The following CABIN1 variants were observed in gnomAD, a reference collection of about 807,000 sequenced individuals.
The protein encoded by CABIN1 is calcineurin-binding protein cabin-1.
In CABIN1, 133 loss-of-function variants were observed where a neutral mutation model predicts 227.7. The observed-to-expected ratio is 0.58, with a 90% confidence interval of 0.51 to 0.67. CABIN1 has a LOEUF of 0.67. Ranked by LOEUF, CABIN1 falls within the 30% of genes least tolerant of loss-of-function variation. The pLI, the probability that CABIN1 is intolerant of heterozygous loss-of-function variation, is 0.00. For synonymous variants in CABIN1, 1,086 were observed against 1,155.1 expected (o/e 0.94, Z 1.21); for missense variants, 2,408 against 2,852.5 (o/e 0.84, Z 3.55).
intron 30 of CABIN1, among the ~76,000 whole-genome samples, chr22:24,164,949 CAG>C (rs1413840530): frequency 2.0e-5 from 3 of 152,200 alleles, no homozygotes; most frequent in African/African-American, 4.8e-5. Context: ...GGGTGAGCGA[CAG>C]GGGTGCCTGG....
intron 26 of CABIN1, among the ~76,000 whole-genome samples, chr22:24,104,329 G>A (rs570292796): frequency 6.6e-6 from 1 of 152,332 alleles, no homozygotes; most frequent in South Asian, 2.1e-4. Context: ...CCTTTGGTCA[G>A]GAAAATGTTT....
In CABIN1 at chr22:24,177,907, G is replaced by A; in HGVS notation, c.6519+90G>A. 6.6e-7 allele frequency: 1 copy of A among 1,505,714 alleles called. No homozygotes were observed. 93.3% of individuals were successfully genotyped at this position (1,505,714 alleles called of 1,614,324 possible). The stretch of plus-strand genomic sequence containing the variant: ...GGATGGGGGTGGGGGTGGCAGGAGG[G>A]CCTGGGGTGTGGGTGAGGATGGCAT... On this transcript the variant is annotated intron_variant, in intron 36 of 36. Coordinates refer to ENST00000263119, the MANE Select transcript of CABIN1 (RefSeq NM_012295.4). This position sits in a 1 kb window ranked among gnomAD's most constrained non-coding sequence, Gnocchi z 4.4.
chr22:24,042,946 A>T lies in CABIN1; in HGVS notation c.388A>T (p.Ile130Phe). 2 of 1,611,480 alleles carry T rather than the reference A, an allele frequency of 1.2e-6. No individual in the cohort carries two copies. The highest frequency in any genetic ancestry group is 1.7e-6 in the Non-Finnish European group (2 of 1,179,530). Residue 130 changes from isoleucine (I) to phenylalanine (F), a missense_variant, in exon 6 of 37, where the codon ATT (isoleucine) becomes TTT (phenylalanine). Coordinates refer to ENST00000263119, the MANE Select transcript of CABIN1 (RefSeq NM_012295.4). ...CACAGATGTCAACCTCTGGTATAAGATTGGACATGTGGCCCTGAGGCTCAT... is the reference window on the plus strand; with the variant it reads ...CACAGATGTCAACCTCTGGTATAAGTTTGGACATGTGGCCCTGAGGCTCAT... The part of the protein sequence containing the change: ...DSTDVNLWYK[I>F]GHVALRLIRI...
chr22:24,024,428 C>G (rs1228148894), intron 1 of CABIN1, among the ~76,000 whole-genome samples: 2 of 152,168 alleles, frequency 1.3e-5, no homozygotes, highest in Admixed American at 6.5e-5. Flanking sequence ...TTGCTTCTCT[C>G]TTGCTGCTTT....
chr22:24,068,703 A>C (rs1295279023), intron 16 of CABIN1, among the ~76,000 whole-genome samples: 2 of 152,148 alleles, frequency 1.3e-5, no homozygotes, highest in Non-Finnish European at 2.9e-5. Context: ...AATCTTGCAA[A>C]TATTTTTTTC....
chr22:24,118,539 C>A (rs1425874092), intron 27 of CABIN1, among the ~76,000 whole-genome samples: 1 of 152,184 alleles, frequency 6.6e-6, no homozygotes, highest in East Asian at 1.9e-4. Flanking sequence ...CTTCTCTGGC[C>A]TCCTCCAGGC....
chr22:24,127,134 G>A lies in CABIN1; in HGVS notation c.4633-7168G>A, dbSNP rs147500875. Among the ~76,000 whole-genome samples, 295 of 152,320 alleles carry A rather than the reference G, an allele frequency of 1.9e-3. 2 individuals are homozygous for A. The highest frequency in any genetic ancestry group is 6.7e-3 in the African/African-American group (280 of 41,590). On this transcript the variant is annotated intron_variant, in intron 28 of 36. Transcript: ENST00000263119. ...GTAAAGAGTGAGTTGGGGGTGGCCTGTCAGAGGCCTAGCAGGACACAGATG... is the reference window on the plus strand; with the variant it reads ...GTAAAGAGTGAGTTGGGGGTGGCCTATCAGAGGCCTAGCAGGACACAGATG...
intron 14 of CABIN1, among the ~76,000 whole-genome samples, chr22:24,063,589 A>G (rs533182543): frequency 6.6e-6 from 1 of 152,358 alleles, no homozygotes; most frequent in African/African-American, 2.4e-5. Context: ...CTGGAAGGCC[A>G]GGATGGATTG....
intron 1 of CABIN1, among the ~76,000 whole-genome samples, chr22:24,015,582 G>A (rs1050719111): frequency 7.3e-5 from 11 of 151,636 alleles, no homozygotes; most frequent in Admixed American, 7.2e-4. Context: ...CTGACCTTGT[G>A]ATCCGCCCGC....
intron 12 of CABIN1, among the ~76,000 whole-genome samples, chr22:24,061,233 C>T (rs150470088): frequency 6.6e-6 from 1 of 152,348 alleles, no homozygotes; most frequent in South Asian, 2.1e-4. Context: ...TTGGTGCCTC[C>T]TGGAGCTCAA....
intron 34 of CABIN1, among the ~76,000 whole-genome samples, chr22:24,172,552 G>T (rs1359262163): frequency 6.6e-6 from 1 of 152,198 alleles, no homozygotes; most frequent in Non-Finnish European, 1.5e-5. Context: ...ATGAGGGCAG[G>T]GGCAGGTCAG....
intron 29 of CABIN1, among the ~76,000 whole-genome samples, chr22:24,143,811 G>A (rs545092313): frequency 6.6e-6 from 1 of 152,280 alleles, no homozygotes; most frequent in East Asian, 1.9e-4. Flanking sequence ...GAAAACCAAA[G>A]CCCTTTTCTA....
intron 15 of CABIN1, among the ~76,000 whole-genome samples, chr22:24,065,433 C>T (rs2039566437): frequency 6.6e-6 from 1 of 151,490 alleles, no homozygotes; most frequent in Non-Finnish European, 1.5e-5. Context: ...GCGCTCCCCA[C>T]ATCTCAGACG....
chr22:24,024,790 A>G (rs1461991544), intron 1 of CABIN1, among the ~76,000 whole-genome samples: 3 of 151,780 alleles, frequency 2.0e-5, no homozygotes, highest in South Asian at 2.1e-4. Flanking sequence ...GCCTGCTCAC[A>G]TTTGTTTTTG....
chr22:24,095,112 C>T (rs553805326), intron 24 of CABIN1, among the ~76,000 whole-genome samples: 69 of 152,346 alleles, frequency 4.5e-4, no homozygotes, highest in African/African-American at 1.6e-3. Flanking sequence ...TGAGACCCCT[C>T]TGTCTGGGAT....
At position 24,176,254 on chromosome 22, in the gene CABIN1, G is replaced by A. The variant is rs1361604008; in HGVS notation, c.6184G>A (p.Ala2062Thr). ...GGCAGAGGCTGCCCTGGGCACAGGCGCTGAGCCCACCTGCAGCCAGGGTAA... is the reference window on the plus strand; with the variant it reads ...GGCAGAGGCTGCCCTGGGCACAGGCACTGAGCCCACCTGCAGCCAGGGTAA... ...WPAEAALGTG[A>T]EPTCSQEGKL... is the part of the protein sequence containing the mutation. The change falls in exon 35 of 37, where the codon GCT (alanine) becomes ACT (threonine). Residue 2062 changes from alanine (A) to threonine (T), a missense_variant. Ala to Thr is a moderately conservative substitution (Grantham distance 58, BLOSUM62 0). Around this residue, in one of 3 missense-constraint regions of CABIN1, gnomAD observed 714 missense variants for 773.8 expected, o/e 0.92. Transcript: ENST00000263119. 19 of 1,604,494 alleles carry A rather than the reference G, an allele frequency of 1.2e-5. No homozygotes were observed. The highest frequency in any genetic ancestry group is 1.7e-4 in the Middle Eastern group (1 of 5,996).
At chr22:24,062,478 C>T (rs1027260305) in intron 13 of CABIN1, among the ~76,000 whole-genome samples, 2 of 151,532 alleles carry the variant, frequency 1.3e-5, no homozygotes, top group African/African-American at 4.9e-5. Flanking sequence ...CCATATCAGC[C>T]TCCCGAGGAG....
chr22:24,086,739 C>A (rs1408927880), intron 22 of CABIN1, among the ~76,000 whole-genome samples: 1 of 152,204 alleles, frequency 6.6e-6, no homozygotes, highest in Non-Finnish European at 1.5e-5. Flanking sequence ...TCTCTGTGGC[C>A]ATTCCTCCTC....
At chr22:24,056,479 TA>T in intron 10 of CABIN1, 119 bp downstream of exon 10, 1 of 1,041,010 alleles carries the variant, frequency 9.6e-7, no homozygotes, top group South Asian at 1.3e-5. Context: ...TGTGTTCCCA[TA>T]ACATCTGTGC....
Sources: gnomAD v4.1 joint callset for allele counts (sites outside exome capture counted in the v4.1 genomes callset) on GRCh38, gnomAD v4.1.1 for gene constraint, gnomAD v4.1.1 regional missense constraint, Gnocchi (gnomAD v3.1) non-coding constraint, MANE v1.5 for transcripts, NCBI Gene and HGNC (gene_info 2026-07-23, HGNC 2026-07-21) for gene names.